Variants in TNIP3 observed in about 807,000 individuals in gnomAD.
TNIP3 encodes the protein TNFAIP3-interacting protein 3.
TNIP3 carries 34 observed loss-of-function variants against 54.1 expected under a neutral mutation model. The ratio of observed to expected loss-of-function variants is 0.63; its 90% CI spans 0.48 to 0.84. The LOEUF (loss-of-function observed/expected upper bound fraction) is 0.84. Among genes scored for constraint, TNIP3 ranks in the 40% least tolerant of loss-of-function variants. The probability of loss-of-function intolerance (pLI) is 0.00; values close to 1 mark genes in which losing one functional copy is unlikely to be tolerated. For missense variants in TNIP3, 366 were observed against 387.6 expected (o/e 0.94, Z 0.47); for synonymous variants, 134 against 136.8 (o/e 0.98, Z 0.14).
chr4:121,141,500 T>C (rs1214635135), intron 9 of TNIP3, among the ~76,000 whole-genome samples: 1 of 152,238 alleles, frequency 6.6e-6, no homozygotes, highest in Non-Finnish European at 1.5e-5. Context: ...CTTTCCTTTA[T>C]ACATAAATAC....
intron 3 of TNIP3, among the ~76,000 whole-genome samples, chr4:121,170,610 T>G (rs1241617229): frequency 6.6e-6 from 1 of 151,976 alleles, no homozygotes; most frequent in Non-Finnish European, 1.5e-5. Flanking sequence ...TTGATTAATA[T>G]TTAATAAATA....
chr4:121,204,519 C>G (rs1409668676), intron 2 of TNIP3, among the ~76,000 whole-genome samples: 2 of 152,166 alleles, frequency 1.3e-5, no homozygotes, highest in Non-Finnish European at 2.9e-5. Context: ...CATCCTCAAC[C>G]TTGGCAAAAT....
rs147091334 is a variant in TNIP3, at chr4:121,216,205, A to T, written c.68+210T>A. On this transcript the variant is annotated intron_variant, in intron 2 of 12. Transcript: ENST00000507879. ...CAAATTATCTTCATAACCTACCATGACTTTTGCCCTCTGGATAGCAATAAA... is the reference window on the plus strand; with the variant it reads ...CAAATTATCTTCATAACCTACCATGTCTTTTGCCCTCTGGATAGCAATAAA... Among the ~76,000 whole-genome samples the T allele has an allele frequency of 6.4e-3, 970 of 152,286 alleles. 4 individuals are homozygous for T. Among genetic ancestry groups the T allele is most frequent in the Non-Finnish European group, 8.8e-3 (597 of 68,020 alleles).
intron 1 of TNIP3, chr4:121,216,514 A>G (rs918907159): frequency 2.0e-6 from 3 of 1,535,614 alleles, no homozygotes; most frequent in Middle Eastern, 3.3e-4. Context: ...AAATAAAAAA[A>G]TATGAAGGAC....
At chr4:121,163,148 G>C (rs1042725490) in intron 1 of TNIP3, among the ~76,000 whole-genome samples, 9 of 152,256 alleles carry the variant, frequency 5.9e-5, no homozygotes, top group East Asian at 3.9e-4. Context: ...AGTTATAGGT[G>C]GGGGAGGATA....
chr4:121,205,002 G>A (rs1481696087), intron 2 of TNIP3, among the ~76,000 whole-genome samples: 2 of 152,108 alleles, frequency 1.3e-5, no homozygotes, highest in Non-Finnish European at 1.5e-5. Context: ...GTTCATTCTG[G>A]TTCTTGACTG....
At chr4:121,197,281 G>A (rs574895801) in intron 2 of TNIP3, among the ~76,000 whole-genome samples, 138 of 152,098 alleles carry the variant, frequency 9.1e-4, no homozygotes, top group Non-Finnish European at 1.7e-3. Context: ...TAATCCCAGC[G>A]TTTTGGGAAG....
At chr4:121,203,740 A>G (rs1726029021) in intron 2 of TNIP3, among the ~76,000 whole-genome samples, 1 of 151,958 alleles carries the variant, frequency 6.6e-6, no homozygotes, top group African/African-American at 2.4e-5. Context: ...CATTATAGAA[A>G]TACACCCATT....
At chr4:121,159,434 T>G (rs570117061) in intron 2 of TNIP3, among the ~76,000 whole-genome samples, 2 of 152,246 alleles carry the variant, frequency 1.3e-5, no homozygotes, top group African/African-American at 4.8e-5. Flanking sequence ...GTCTGTAAGA[T>G]TTCTTAATGC....
intron 2 of TNIP3, among the ~76,000 whole-genome samples, chr4:121,209,045 G>A (rs1445801670): frequency 2.0e-5 from 3 of 152,166 alleles, no homozygotes; most frequent in Non-Finnish European, 2.9e-5. Context: ...TGTCTACTGG[G>A]TTCTGTATGG....
intron 2 of TNIP3, among the ~76,000 whole-genome samples, chr4:121,208,417 C>A (rs1172127792): frequency 6.6e-6 from 1 of 152,148 alleles, no homozygotes; most frequent in Non-Finnish European, 1.5e-5. Flanking sequence ...TTGTGGCCCC[C>A]ACCCAGGAAC....
intron 4 of TNIP3, 85 bp from the exon 5 acceptor site, chr4:121,154,764 G>A: frequency 7.5e-7 from 1 of 1,329,876 alleles, no homozygotes; most frequent in Non-Finnish European, 1.0e-6. Context: ...TATCAGCCAT[G>A]GCAGGCAGAT....
chr4:121,148,590 C>A (rs540507176), intron 6 of TNIP3, among the ~76,000 whole-genome samples: 3 of 152,268 alleles, frequency 2.0e-5, no homozygotes, highest in Admixed American at 1.3e-4. Flanking sequence ...TAAGACTGTG[C>A]ATATTACCCT....
intron 3 of TNIP3, among the ~76,000 whole-genome samples, chr4:121,175,303 T>C (rs976749245): frequency 6.6e-6 from 1 of 152,250 alleles, no homozygotes; most frequent in Non-Finnish European, 1.5e-5. Context: ...CCTTTGGCTT[T>C]AAGTGTCCAT....
intron 3 of TNIP3, among the ~76,000 whole-genome samples, chr4:121,179,155 G>A (rs925294149): frequency 6.6e-6 from 1 of 152,158 alleles, no homozygotes; most frequent in African/African-American, 2.4e-5. Context: ...GAAACTTCAT[G>A]GTTTGTTAAA....
intron 10 of TNIP3, among the ~76,000 whole-genome samples, chr4:121,133,293 T>C (rs530290628): frequency 1.3e-5 from 2 of 152,244 alleles, no homozygotes; most frequent in African/African-American, 4.8e-5. Flanking sequence ...CTGAATGTTT[T>C]GTACTTGTTG....
intron 2 of TNIP3, among the ~76,000 whole-genome samples, chr4:121,204,547 T>A (rs1726074918): frequency 6.6e-6 from 1 of 152,210 alleles, no homozygotes; most frequent in African/African-American, 2.4e-5. Flanking sequence ...CTAAATTAAC[T>A]GAGACTTGTC....
At chr4:121,223,065 A>C (rs1044315136) in intron 1 of TNIP3, among the ~76,000 whole-genome samples, 4 of 152,204 alleles carry the variant, frequency 2.6e-5, no homozygotes, top group Non-Finnish European at 4.4e-5. Context: ...TCGGCCTCCC[A>C]AAGTGCTGGG....
intron 2 of TNIP3, among the ~76,000 whole-genome samples, chr4:121,192,183 C>T (rs371833377): frequency 1.3e-5 from 2 of 152,178 alleles, no homozygotes; most frequent in South Asian, 4.1e-4. Flanking sequence ...AAAGAGATGC[C>T]GAGCCAAGTC....
Sources: allele counts gnomAD v4.1 joint callset (sites outside exome capture counted in the v4.1 genomes callset), GRCh38; gene constraint gnomAD v4.1.1; transcripts MANE v1.5; gene names NCBI Gene and HGNC (gene_info 2026-07-23, HGNC 2026-07-21).